Variants in GPBP1L1 observed in about 807,000 individuals in gnomAD.
GPBP1L1 encodes the protein GC-rich promoter binding protein 1 like 1.
In GPBP1L1, 23 loss-of-function variants were observed where a neutral mutation model predicts 52.5. The observed-to-expected ratio is 0.44, with a 90% CI of 0.32 to 0.62. GPBP1L1 has a LOEUF of 0.62. GPBP1L1 is among the 20% of genes least tolerant of loss of function. GPBP1L1 has a pLI of 0.06. For missense variants in GPBP1L1, 596 were observed against 579.3 expected (o/e 1.03, Z -0.30); for synonymous variants, 243 against 203.1 (o/e 1.20, Z -1.67).
intron 2 of GPBP1L1, among the ~76,000 whole-genome samples, chr1:45,670,446 T>C (rs1264517307): frequency 6.6e-6 from 1 of 152,208 alleles, no homozygotes; most frequent in African/African-American, 2.4e-5. Flanking sequence ...TTAATTTAGA[T>C]GCAATCAAAG....
intron 6 of GPBP1L1, among the ~76,000 whole-genome samples, chr1:45,644,931 A>G (rs1644723830): frequency 6.6e-6 from 1 of 152,232 alleles, no homozygotes; most frequent in Admixed American, 6.5e-5. Flanking sequence ...TAGAAAAAAT[A>G]TGATACATGC....
chr1:45,672,145 G>A (rs930696799), intron 2 of GPBP1L1, among the ~76,000 whole-genome samples: 3 of 152,070 alleles, frequency 2.0e-5, no homozygotes, highest in Admixed American at 6.6e-5. Flanking sequence ...GGCAAATCAC[G>A]AGGTCAGGAG....
At chr1:45,671,549 TG>T (rs200702038) in intron 2 of GPBP1L1, among the ~76,000 whole-genome samples, 1,886 of 152,266 alleles carry the variant, frequency 0.012, 29 homozygotes, top group African/African-American at 0.04. Flanking sequence ...CCAGGCACGG[TG>T]GTACATGCCT....
chr1:45,675,517 A>G (rs181794272), intron 2 of GPBP1L1, among the ~76,000 whole-genome samples: 73 of 152,010 alleles, frequency 4.8e-4, no homozygotes, highest in Non-Finnish European at 8.8e-4. Context: ...GGTGTTGACA[A>G]TTCTATAAAT....
intron 2 of GPBP1L1, among the ~76,000 whole-genome samples, chr1:45,663,633 T>C (rs1569852199): frequency 2.0e-5 from 3 of 152,276 alleles, no homozygotes; most frequent in South Asian, 4.1e-4. Flanking sequence ...GTGGGGACAC[T>C]TAATCAAACA....
At chr1:45,652,725 T>C (rs968843384) in intron 6 of GPBP1L1, among the ~76,000 whole-genome samples, 2 of 152,158 alleles carry the variant, frequency 1.3e-5, no homozygotes, top group Non-Finnish European at 2.9e-5. Context: ...GCTGCATTTT[T>C]TTTTTTTTAA....
intron 2 of GPBP1L1, among the ~76,000 whole-genome samples, chr1:45,674,556 T>C (rs747968105): frequency 6.6e-5 from 10 of 152,188 alleles, no homozygotes; most frequent in East Asian, 5.8e-4. Context: ...TACAATATTG[T>C]GAGGTGAGAA....
At chr1:45,650,119 G>C (rs906490020) in intron 6 of GPBP1L1, among the ~76,000 whole-genome samples, 1 of 152,112 alleles carries the variant, frequency 6.6e-6, no homozygotes, top group African/African-American at 2.4e-5. Context: ...GATAATTGGG[G>C]AAGATGAAAA....
chr1:45,650,980 G>A (rs897361689), intron 6 of GPBP1L1: 1 of 324,772 alleles, frequency 3.1e-6, no homozygotes, highest in Non-Finnish European at 6.3e-6. Context: ...AAATCTTTAG[G>A]AAAATTTGCA....
In GPBP1L1 at chr1:45,655,171, A is replaced by G. The variant is rs1261081908; in HGVS notation, c.190+19T>C. 2 of 1,613,990 alleles carry G rather than the reference A, an allele frequency of 1.2e-6. No individual in the cohort carries two copies. Among genetic ancestry groups the G allele is most frequent in the Admixed American group, 1.7e-5 (1 of 60,024 alleles). ...AATGAGTAGCTTAAATATAGTCATG[A>G]AAGTTGGACATGGCTCACCTCCTGC... On this transcript the variant is annotated intron_variant, in intron 5 of 12. Transcript: ENST00000355105.
chr1:45,642,442 G>T lies in GPBP1L1; in HGVS notation c.535C>A (p.Pro179Thr), dbSNP rs755461239. Reference protein sequence around the residue: ...QHQPCRPIGTPSGVWENPPSA... With the variant: ...QHQPCRPIGTTSGVWENPPSA... Reference sequence around the variant, plus strand: ...ATCTACCTACCCCATACTCCAGAAGGTGTCCCAATAGGTCTGCATGGCTGA... The same window carrying T: ...ATCTACCTACCCCATACTCCAGAAGTTGTCCCAATAGGTCTGCATGGCTGA... The change falls in exon 7 of 13, where the codon CCT becomes ACT. Residue 179 changes from proline to threonine, a missense_variant. Pro to Thr is a conservative substitution (Grantham distance 38). Transcript: ENST00000355105. The T allele has an allele frequency of 1.9e-6, 3 of 1,613,594 alleles. No individual in the cohort carries two copies. The African/African-American group carries it at 4.0e-5, about 22-fold the overall frequency.
At chr1:45,632,016 TC>T (rs1444595234) in intron 10 of GPBP1L1, among the ~76,000 whole-genome samples, 1 of 151,974 alleles carries the variant, frequency 6.6e-6, no homozygotes, top group Non-Finnish European at 1.5e-5. Context: ...AGGTCTGGAA[TC>T]CGAGACCAGC....
rs555791344 is a variant in GPBP1L1, at chr1:45,656,841, GTTGT to G, written c.61-1526_61-1523del. 5.6e-3 allele frequency among the ~76,000 whole-genome samples: 770 copies of G among 137,810 alleles called. 7 individuals are homozygous for G. Among genetic ancestry groups the G allele is most frequent in the African/African-American group, 0.019 (722 of 38,776 alleles). 90.4% of individuals were successfully genotyped at this position (137,810 alleles called of 152,430 possible). ...CCACCACACCTGCCTAGTTTTTGTTGTTGTTTTTTTTTTAAATTTTTCTTGTAGA... is the reference window on the plus strand; with the variant it reads ...CCACCACACCTGCCTAGTTTTTGTTGTTTTTTTTTAAATTTTTCTTGTAGA... On this transcript the variant is annotated intron_variant, in intron 4 of 12. Transcript: ENST00000355105.
intron 6 of GPBP1L1, chr1:45,645,944 G>A (rs1011770161): frequency 2.4e-5 from 12 of 496,176 alleles, no homozygotes; most frequent in South Asian, 5.9e-5. Context: ...TTGTTCTGCC[G>A]TTTTTCTAGA....
Position 45,652,762 on chromosome 1 carries a change from C to T in GPBP1L1, c.477+1781G>A, listed in dbSNP as rs536464931. 5.9e-5 allele frequency among the ~76,000 whole-genome samples: 9 copies of T among 152,088 alleles called. No homozygotes were observed. In the East Asian group the frequency reaches 1.4e-3, roughly 23 times the overall value. ...AGATAGAGTCTTGCTTCCACCTCCG[C>T]CTCCCAAGTAGCTGGGGCTATAGGT... On this transcript the variant is annotated intron_variant, in intron 6 of 12. Coordinates refer to ENST00000355105, the MANE Select transcript of GPBP1L1 (RefSeq NM_021639.5).
chr1:45,631,987 G>C (rs941750278), intron 10 of GPBP1L1, among the ~76,000 whole-genome samples: 35 of 152,156 alleles, frequency 2.3e-4, no homozygotes, highest in African/African-American at 7.2e-4. Flanking sequence ...TTGGGAGGCT[G>C]AGGTGGGTGG....
chr1:45,679,805 C>T (rs975206761), intron 2 of GPBP1L1, among the ~76,000 whole-genome samples: 1 of 148,202 alleles, frequency 6.7e-6, no homozygotes, highest in African/African-American at 2.5e-5. Context: ...GTAATCCCAT[C>T]ATGTGGGGAG....
intron 4 of GPBP1L1, among the ~76,000 whole-genome samples, chr1:45,657,826 C>T (rs1644903022): frequency 2.0e-5 from 3 of 152,118 alleles, no homozygotes; most frequent in Non-Finnish European, 2.9e-5. Context: ...GTACTCCAGC[C>T]TCGGTGACAG....
intron 8 of GPBP1L1, among the ~76,000 whole-genome samples, chr1:45,638,091 G>A (rs1644619284): frequency 6.6e-6 from 1 of 152,112 alleles, no homozygotes; most frequent in Non-Finnish European, 1.5e-5. Context: ...CTACATCAGA[G>A]GAAAATAAAC....
Sources: gnomAD v4.1 joint callset for allele counts (sites outside exome capture counted in the v4.1 genomes callset) on GRCh38, gnomAD v4.1.1 for gene constraint, MANE v1.5 for transcripts, NCBI Gene and HGNC (gene_info 2026-07-23, HGNC 2026-07-21) for gene names.